Variants in CLEC4E observed in about 807,000 individuals in gnomAD.
CLEC4E encodes the protein C-type lectin domain family 4 member E, also known as C-type (calcium dependent, carbohydrate-recognition domain) lectin, superfamily member 9.
Under a neutral mutation model 24.7 loss-of-function variants are expected in CLEC4E, and 21 were observed. The observed-to-expected ratio is 0.85, with a 90% CI of 0.60 to 1.22. CLEC4E has a LOEUF of 1.22. CLEC4E is among the 50% of genes most tolerant of loss of function. CLEC4E has a pLI of 0.00. For synonymous variants in CLEC4E, 94 were observed against 85.7 expected (o/e 1.10, Z -0.54); for missense variants, 249 against 254.1 (o/e 0.98, Z 0.14).
chr12:8,540,741 G>A lies in CLEC4E; in HGVS notation c.37+20C>T, dbSNP rs766914346. The A allele has an allele frequency of 6.3e-7, 1 of 1,599,234 alleles. No homozygotes were observed. Among genetic ancestry groups the A allele is most frequent in the Middle Eastern group, 1.7e-4 (1 of 6,028 alleles). On this transcript the variant is annotated intron_variant, in intron 1 of 5. Transcript: ENST00000299663. ...CCAAAAAGAGATCTATGGAAGGAAAGGAAGAGTTGCAGATTTTACCTGTGC... is the reference window on the plus strand; with the variant it reads ...CCAAAAAGAGATCTATGGAAGGAAAAGAAGAGTTGCAGATTTTACCTGTGC...
rs775903909 is a variant in CLEC4E, at chr12:8,536,140, G to A, written c.438C>T (p.Val146=). The A allele has an allele frequency of 1.2e-5, 20 of 1,613,250 alleles. No homozygotes were observed. The highest frequency in any genetic ancestry group is 1.1e-4 in the East Asian group (5 of 44,856). The part of the protein sequence containing the change: ...EFFIGLSDQV[V]EGQWQWVDGT... ...CGTCCACCCATTGCCACTGACCCTC[G>A]ACAACCTGGTCTGACAGTCCAATAA... is the stretch of plus-strand genomic sequence containing the variant. The change falls in exon 5 of 6, where the codon GTC becomes GTT. Residue 146 remains valine, a synonymous_variant. Coordinates refer to ENST00000299663, the MANE Select transcript of CLEC4E (RefSeq NM_014358.4).
intron 1 of CLEC4E, 119 bp downstream of exon 1, chr12:8,540,642 T>C (rs1940686918): frequency 2.5e-6 from 2 of 799,214 alleles, no homozygotes; most frequent in African/African-American, 3.2e-5. Context: ...TCTTCCTCTG[T>C]CCCCCCACTT....
chr12:8,540,514 G>A (rs1311554576), intron 1 of CLEC4E, among the ~76,000 whole-genome samples: 1 of 152,054 alleles, frequency 6.6e-6, no homozygotes, highest in Non-Finnish European at 1.5e-5. Context: ...GAGAAGTGAA[G>A]TGACTTGCCA....
rs1940692302 is a variant in CLEC4E, at chr12:8,540,851, C to T, written c.-54G>A. On this transcript the variant is annotated 5_prime_UTR_variant, in exon 1 of 6. Transcript: ENST00000299663. Reference sequence around the variant, plus strand: ...TCTCTCTCTCTTTTTCTCTCCCTCCCTCTCTTTCTTTCTCCTCAGGAGTGT... The same window carrying T: ...TCTCTCTCTCTTTTTCTCTCCCTCCTTCTCTTTCTTTCTCCTCAGGAGTGT... 2.6e-6 allele frequency: 3 copies of T among 1,142,566 alleles called. No homozygotes were observed. Among genetic ancestry groups the T allele is most frequent in the Non-Finnish European group, 4.0e-6 (3 of 752,040 alleles). The allele number at this position is 1,142,566 out of a possible 1,614,324, so 70.8% of individuals were successfully genotyped here.
intron 5 of CLEC4E, among the ~76,000 whole-genome samples, chr12:8,535,512 A>G (rs1940600166): frequency 6.6e-6 from 1 of 152,232 alleles, no homozygotes; most frequent in Non-Finnish European, 1.5e-5. Flanking sequence ...CCACCACGGC[A>G]CACGTTTACC....
At chr12:8,536,629 G>T (rs1038812775) in intron 4 of CLEC4E, among the ~76,000 whole-genome samples, 2 of 151,982 alleles carry the variant, frequency 1.3e-5, no homozygotes, top group African/African-American at 2.4e-5. Flanking sequence ...ATTATCTACT[G>T]ATTTTTTTTT....
In CLEC4E at chr12:8,537,943, G is replaced by A. The variant is rs188193588; in HGVS notation, c.221-677C>T. 2.2e-3 allele frequency among the ~76,000 whole-genome samples: 339 copies of A among 152,390 alleles called. 3 individuals are homozygous for A. The highest frequency in any genetic ancestry group is 7.7e-3 in the African/African-American group (322 of 41,594). On this transcript the variant is annotated intron_variant, in intron 3 of 5. Coordinates refer to ENST00000299663, the MANE Select transcript of CLEC4E (RefSeq NM_014358.4). Reference sequence around the variant, plus strand: ...GAGGGGACATAGTGAGGTGTGACCAGAAGACAAGAGTGCGAGCCTTCCGTT... The same window carrying A: ...GAGGGGACATAGTGAGGTGTGACCAAAAGACAAGAGTGCGAGCCTTCCGTT...
intron 3 of CLEC4E, among the ~76,000 whole-genome samples, chr12:8,537,577 A>G (rs1397070050): frequency 1.3e-5 from 2 of 152,216 alleles, no homozygotes; most frequent in African/African-American, 4.8e-5. Context: ...CTAATGTCAG[A>G]GAAATTTATG....
chr12:8,538,791 C>T (rs1300042924), intron 3 of CLEC4E, among the ~76,000 whole-genome samples: 1 of 152,128 alleles, frequency 6.6e-6, no homozygotes, highest in Non-Finnish European at 1.5e-5. Flanking sequence ...AAAATTATAG[C>T]TCAGAGAAGG....
intron 3 of CLEC4E, among the ~76,000 whole-genome samples, chr12:8,538,580 G>A (rs1177346621): frequency 6.6e-6 from 1 of 152,168 alleles, no homozygotes; most frequent in Non-Finnish European, 1.5e-5. Context: ...GGTGGTAGTG[G>A]TCCCTTGGGC....
chr12:8,537,969 A>C (rs1940637887), intron 3 of CLEC4E, among the ~76,000 whole-genome samples: 1 of 152,262 alleles, frequency 6.6e-6, no homozygotes, highest in Admixed American at 6.5e-5. Flanking sequence ...GCCTTCCGTT[A>C]TGCCCGGACA....
chr12:8,539,378 T>G, intron 2 of CLEC4E, 72 bp from the exon 3 acceptor site: 2 of 964,032 alleles, frequency 2.1e-6, no homozygotes, highest in South Asian at 3.1e-5. Context: ...AGTTTTGTAT[T>G]TATAACAAAA....
intron 5 of CLEC4E, among the ~76,000 whole-genome samples, chr12:8,535,164 GCT>G (rs1253115271): frequency 2.0e-5 from 3 of 152,156 alleles, no homozygotes; most frequent in South Asian, 4.1e-4. Flanking sequence ...TATCGGCTTA[GCT>G]CTCTTTATTC....
Position 8,537,132 on chromosome 12 carries a change from T to G in CLEC4E, c.355A>C (p.Asn119His). 1 of 1,613,212 alleles carries G rather than the reference T, an allele frequency of 6.2e-7. No homozygotes were observed. Among genetic ancestry groups the G allele is most frequent in the Non-Finnish European group, 8.5e-7 (1 of 1,179,372 alleles). ...SAMGAHLVVI[N>H]SQEEQEFLSY... Reference sequence around the variant, plus strand: ...CCAGCTACCTGCTCCTCCTGTGAGTTGATAACCACCAGGTGAGCCCCCATG... The same window carrying G: ...CCAGCTACCTGCTCCTCCTGTGAGTGGATAACCACCAGGTGAGCCCCCATG... Residue 119 changes from asparagine to histidine, a missense_variant, in exon 4 of 6, where the codon AAC (asparagine) becomes CAC (histidine). Transcript: ENST00000299663.
rs1940579161 is a variant in CLEC4E, at chr12:8,534,073, G to A, written c.*565C>T. On this transcript the variant is annotated 3_prime_UTR_variant, in exon 6 of 6. Coordinates refer to ENST00000299663, the MANE Select transcript of CLEC4E (RefSeq NM_014358.4). ...TGATGGCTGGCATGCCCTTCCCTAA[G>A]AAGGTGCAGTGGAGGCCTGTAGCCA... The A allele has an allele frequency of 6.6e-6, 1 of 152,328 alleles. No individual in the cohort carries two copies. Among genetic ancestry groups the A allele is most frequent in the Non-Finnish European group, 1.5e-5 (1 of 68,124 alleles). The allele number at this position is 152,328 out of a possible 1,614,324, so 9.4% of individuals were successfully genotyped here. A position where few individuals can be genotyped will look rare whatever the true frequency, so the allele number is the denominator to read the frequency against.
intron 4 of CLEC4E, among the ~76,000 whole-genome samples, chr12:8,536,493 G>A (rs959585059): frequency 2.0e-5 from 3 of 152,124 alleles, no homozygotes; most frequent in Non-Finnish European, 4.4e-5. Flanking sequence ...GGGAGGCAGA[G>A]GTTGCAGTGA....
Position 8,539,891 on chromosome 12 carries a change from G to C in CLEC4E, c.94C>G (p.Leu32Val), listed in dbSNP as rs1940673791. ...GTGATGAAACAGGCACTGAGAAATA[G>C]GATGGGGATCCCAGCAACAGTCCAT... is the stretch of plus-strand genomic sequence containing the variant. ...FLWTVAGIPI[L>V]FLSACFITRC... Residue 32 changes from leucine (L) to valine (V), a missense_variant, in exon 2 of 6, where the codon CTA becomes GTA. Transcript: ENST00000299663. 2 of 1,612,470 alleles carry C rather than the reference G, an allele frequency of 1.2e-6. No homozygotes were observed. The highest frequency in any genetic ancestry group is 2.7e-5 in the African/African-American group (2 of 74,888).
chr12:8,540,679 T>C, intron 1 of CLEC4E, 82 bp downstream of exon 1: 2 of 1,245,340 alleles, frequency 1.6e-6, no homozygotes, highest in Non-Finnish European at 2.4e-6. Flanking sequence ...TGAATACTTT[T>C]CTATTGTCCT....
At chr12:8,535,524 A>C (rs1940600302) in intron 5 of CLEC4E, among the ~76,000 whole-genome samples, 1 of 152,216 alleles carries the variant, frequency 6.6e-6, no homozygotes, top group Non-Finnish European at 1.5e-5. Context: ...ACGTTTACCT[A>C]TGTAACCTGC....
Sources: allele counts gnomAD v4.1 joint callset (sites outside exome capture counted in the v4.1 genomes callset), GRCh38; gene constraint gnomAD v4.1.1; transcripts MANE v1.5; gene names NCBI Gene and HGNC (gene_info 2026-07-23, HGNC 2026-07-21).